GRM3: variants seen among roughly 807,000 people sequenced by gnomAD.
GRM3 encodes the protein glutamate metabotropic receptor 3.
A neutral mutation model predicts 70.5 loss-of-function variants in GRM3; 26 were observed. That is an observed-to-expected ratio of 0.37 (90% CI 0.27 to 0.51). The LOEUF is 0.51. Ranked by LOEUF, GRM3 falls within the 20% of genes least tolerant of loss-of-function variation. GRM3 has a pLI of 0.93. For synonymous variants in GRM3, 443 were observed against 434.9 expected (o/e 1.02, Z -0.23); for missense variants, 859 against 1,123.8 (o/e 0.76, Z 3.37).
rs182390817 is a variant in GRM3 at position 86,708,033 on chromosome 7, G to A, written c.-140-56973G>A. 1.3e-3 allele frequency among the ~76,000 whole-genome samples: 193 copies of A among 152,188 alleles called. 1 individual carries two copies. Among genetic ancestry groups the A allele is most frequent in the African/African-American group, 4.5e-3 (186 of 41,550 alleles). On this transcript the variant is annotated intron_variant, in intron 1 of 5. Transcript: ENST00000361669. ...GCCCAATGTCACTGAGAGACTATAT[G>A]TCAATTAATCGACTCCGGTACTAAC...
intron 2 of GRM3, chr7:86,784,126 C>T (rs1359859722): frequency 2.6e-5 from 4 of 152,204 alleles, no homozygotes; most frequent in Non-Finnish European, 4.4e-5. Flanking sequence ...CTAGTTCGTT[C>T]TCTTGCAAAG....
intron 3 of GRM3, among the ~76,000 whole-genome samples, chr7:86,806,958 A>G (rs1274450319): frequency 6.8e-6 from 1 of 148,064 alleles, no homozygotes; most frequent in Non-Finnish European, 1.5e-5. Context: ...TCAGCTTTCT[A>G]CATATGGCTA....
intron 1 of GRM3, among the ~76,000 whole-genome samples, chr7:86,699,070 T>A (rs1391273338): frequency 6.6e-6 from 1 of 151,984 alleles, no homozygotes; most frequent in Non-Finnish European, 1.5e-5. Context: ...AAGTAAAAAA[T>A]TATAGTTTAA....
At chr7:86,688,538 A>G (rs1037691297) in intron 1 of GRM3, among the ~76,000 whole-genome samples, 1 of 151,692 alleles carries the variant, frequency 6.6e-6, no homozygotes, top group Admixed American at 6.6e-5. Flanking sequence ...CAAATCTACA[A>G]TCATAGGCTA....
At chr7:86,824,813 T>C (rs1798198849) in intron 3 of GRM3, among the ~76,000 whole-genome samples, 1 of 150,774 alleles carries the variant, frequency 6.6e-6, no homozygotes, top group Admixed American at 6.6e-5. Context: ...TGTGTGTGTG[T>C]GCACATATAT....
intron 3 of GRM3, among the ~76,000 whole-genome samples, chr7:86,824,925 G>A (rs570773198): frequency 1.3e-5 from 2 of 152,146 alleles, no homozygotes; most frequent in African/African-American, 4.8e-5. Flanking sequence ...TGGAAGAATA[G>A]TGAGACTCAA....
At chr7:86,789,516 T>C (rs770043036) in intron 3 of GRM3, among the ~76,000 whole-genome samples, 9 of 152,230 alleles carry the variant, frequency 5.9e-5, no homozygotes, top group Non-Finnish European at 1.3e-4. Context: ...TGGAATATTT[T>C]TTCCTAGCTA....
At chr7:86,682,112 A>C (rs1422516403) in intron 1 of GRM3, among the ~76,000 whole-genome samples, 1 of 152,220 alleles carries the variant, frequency 6.6e-6, no homozygotes, top group Non-Finnish European at 1.5e-5. Context: ...TTTGCAAAGC[A>C]GAGAGAAAAT....
intron 1 of GRM3, among the ~76,000 whole-genome samples, chr7:86,662,970 A>T (rs879316876): frequency 2.6e-5 from 4 of 151,954 alleles, no homozygotes; most frequent in Admixed American, 6.6e-5. Context: ...CATTAAATTT[A>T]AAAAAACTGC....
chr7:86,858,982 T>C lies in GRM3; in HGVS notation c.2567-5300T>C, dbSNP rs1342364663. Among the ~76,000 whole-genome samples the C allele has an allele frequency of 2.6e-5, 4 of 152,180 alleles. No individual in the cohort carries two copies. In the East Asian group the frequency reaches 7.7e-4, roughly 29 times the overall value. ...ATGTATTTTTTCTTTTTTCTTGTTTTTGAAGAGACCTTTTTCACTGACAGG... is the reference window on the plus strand; with the variant it reads ...ATGTATTTTTTCTTTTTTCTTGTTTCTGAAGAGACCTTTTTCACTGACAGG... On this transcript the variant is annotated intron_variant, in intron 5 of 5. Transcript: ENST00000361669.
intron 5 of GRM3, 38 bp from the exon 6 acceptor site, chr7:86,864,244 G>C (rs999422932): frequency 3.9e-6 from 4 of 1,015,852 alleles, no homozygotes; most frequent in Non-Finnish European, 4.7e-6. Context: ...TGTCCCACTT[G>C]ACTAACTTTG....
At chr7:86,848,516 CT>C (rs570824467) in intron 4 of GRM3, among the ~76,000 whole-genome samples, 12 of 152,034 alleles carry the variant, frequency 7.9e-5, no homozygotes, top group Admixed American at 1.3e-4. Context: ...ACCCTCTGGC[CT>C]TTTCCCCTGC....
intron 3 of GRM3, among the ~76,000 whole-genome samples, chr7:86,837,159 G>A (rs1417583333): frequency 1.3e-5 from 2 of 152,178 alleles, no homozygotes; most frequent in East Asian, 3.8e-4. Flanking sequence ...ACTTGATTCT[G>A]GTATGAGGTT....
intron 1 of GRM3, among the ~76,000 whole-genome samples, chr7:86,738,515 T>C (rs920216425): frequency 6.6e-6 from 1 of 152,198 alleles, no homozygotes; most frequent in Non-Finnish European, 1.5e-5. Flanking sequence ...TATTTAATCT[T>C]CATAAGTTTC....
At chr7:86,653,298 T>TAGGG (rs1206784251) in intron 1 of GRM3, among the ~76,000 whole-genome samples, 6 of 152,230 alleles carry the variant, frequency 3.9e-5, no homozygotes, top group African/African-American at 1.4e-4. Context: ...CATCGGGAGC[T>TAGGG]AGGGCTTCAG....
At chr7:86,680,491 C>T (rs1794416732) in intron 1 of GRM3, among the ~76,000 whole-genome samples, 1 of 152,126 alleles carries the variant, frequency 6.6e-6, no homozygotes, top group Non-Finnish European at 1.5e-5. Context: ...CTTACCTCCA[C>T]AGTTTTTACT....
intron 3 of GRM3, among the ~76,000 whole-genome samples, chr7:86,816,161 C>A (rs77313940): frequency 0.015 from 2,297 of 151,950 alleles, 46 homozygotes; most frequent in African/African-American, 0.052. Context: ...GCAGAGTAGG[C>A]ACTCCAGCCA....
chr7:86,820,367 G>T (rs1246354402), intron 3 of GRM3, among the ~76,000 whole-genome samples: 1 of 152,058 alleles, frequency 6.6e-6, no homozygotes, highest in African/African-American at 2.4e-5. Flanking sequence ...TGGGTAGAGA[G>T]GTGAGAGGAC....
intron 1 of GRM3, among the ~76,000 whole-genome samples, chr7:86,648,779 G>A (rs1793539777): frequency 6.6e-6 from 1 of 151,600 alleles, no homozygotes; most frequent in African/African-American, 2.4e-5. Flanking sequence ...TTGAAATCTT[G>A]TTCCAAGACA....
Sources: gnomAD v4.1 joint callset for allele counts (sites outside exome capture counted in the v4.1 genomes callset) on GRCh38, gnomAD v4.1.1 for gene constraint, MANE v1.5 for transcripts, NCBI Gene and HGNC (gene_info 2026-07-23, HGNC 2026-07-21) for gene names.